The following EFCAB8 variants were observed in gnomAD, a reference collection of about 807,000 sequenced individuals.
The protein encoded by EFCAB8 is EF-hand calcium-binding domain-containing protein 8.
EFCAB8 carries 100 observed loss-of-function variants against 116.3 expected under a neutral mutation model. That is an observed-to-expected ratio of 0.86 (90% CI 0.73 to 1.02). The LOEUF is 1.02. Among genes scored for constraint, EFCAB8 ranks in the 50% least tolerant of loss-of-function variants. The probability of loss-of-function intolerance (pLI) is 0.00; values close to 1 mark genes in which losing one functional copy is unlikely to be tolerated. For synonymous variants in EFCAB8, 558 were observed against 567.9 expected (o/e 0.98, Z 0.25); for missense variants, 1,320 against 1,416.9 (o/e 0.93, Z 1.10).
intron 5 of EFCAB8, 26 bp from the exon 6 acceptor site, chr20:32,885,479 C>G: frequency 1.9e-6 from 3 of 1,551,038 alleles, no homozygotes; most frequent in Non-Finnish European, 2.6e-6. Flanking sequence ...TGCTTGGGCT[C>G]TTCTCTCTTT....
At chr20:32,868,147 C>G (rs1206713793) in intron 3 of EFCAB8, among the ~76,000 whole-genome samples, 1 of 151,956 alleles carries the variant, frequency 6.6e-6, no homozygotes, top group Non-Finnish European at 1.5e-5. Flanking sequence ...TCGTCTGGGA[C>G]TACTGGGCTC....
intron 8 of EFCAB8, 142 bp from the exon 9 acceptor site, chr20:32,893,032 G>C: frequency 2.1e-6 from 2 of 943,616 alleles, no homozygotes. Flanking sequence ...GTAGAGATGA[G>C]GTTTCACCAC....
At chr20:32,859,037 T>C (rs1393920279) in intron 1 of EFCAB8, 31 bp downstream of exon 1, 3 of 471,048 alleles carry the variant, frequency 6.4e-6, no homozygotes, top group Non-Finnish European at 1.3e-5. Flanking sequence ...AAAGTTGCTC[T>C]CCAAAAGATT....
In EFCAB8 at chr20:32,899,622, T is replaced by C. The variant is rs139671156; in HGVS notation, c.1088+999T>C. Among the ~76,000 whole-genome samples, 1,117 of 152,122 alleles carry C rather than the reference T, an allele frequency of 7.3e-3. 14 individuals carry two copies. The highest frequency in any genetic ancestry group is 0.026 in the African/African-American group (1,068 of 41,532). On this transcript the variant is annotated intron_variant, in intron 11 of 26. Transcript: ENST00000400522. ...AGAGTTTCACTCTTGTTGCCCAGGC[T>C]GGAGTGTAATGGTGCGATCTCGGCT...
intron 20 of EFCAB8, among the ~76,000 whole-genome samples, chr20:32,920,816 G>A (rs1987415951): frequency 6.6e-6 from 1 of 152,094 alleles, no homozygotes; most frequent in Admixed American, 6.5e-5. Context: ...TGTCCCCTCT[G>A]GATTGGGGGT....
chr20:32,937,478 C>T (rs112814652), intron 22 of EFCAB8, among the ~76,000 whole-genome samples: 46 of 152,106 alleles, frequency 3.0e-4, no homozygotes, highest in Middle Eastern at 3.4e-3. Context: ...CTAAAGCTGA[C>T]TTAATAAGAA....
intron 11 of EFCAB8, among the ~76,000 whole-genome samples, chr20:32,902,690 C>T (rs1164489519): frequency 2.0e-5 from 3 of 152,250 alleles, no homozygotes; most frequent in East Asian, 3.8e-4. Flanking sequence ...ACTTGCTGGT[C>T]TCCCGTTTTG....
chr20:32,866,825 CTT>C (rs1491255887), intron 2 of EFCAB8, among the ~76,000 whole-genome samples: 3 of 141,768 alleles, frequency 2.1e-5, no homozygotes, highest in African/African-American at 8.0e-5. Context: ...TCCTTCCTTC[CTT>C]CCCTCCTTCC....
chr20:32,887,569 C>T (rs749493733), intron 6 of EFCAB8, among the ~76,000 whole-genome samples: 40 of 152,318 alleles, frequency 2.6e-4, no homozygotes, highest in Non-Finnish European at 4.9e-4. Flanking sequence ...AGCGAGACTC[C>T]GTCTCAATAA....
chr20:32,918,420 A>G lies in EFCAB8; in HGVS notation c.2120A>G (p.Glu707Gly), dbSNP rs1254472012. Residue 707 changes from glutamate to glycine, a missense_variant, in exon 19 of 27, where the codon GAG becomes GGG. Glu to Gly is a moderately conservative substitution (Grantham distance 98). Coordinates refer to ENST00000400522, the MANE Select transcript of EFCAB8 (RefSeq NM_001143967.2). ...CACAGGCCCAGCAGACCCTATGTGG[A>G]GCGGGAGAAGTGGACATACAAGACC... is the stretch of plus-strand genomic sequence containing the variant. ...ESHRPSRPYV[E>G]REKWTYKTSR... The G allele has an allele frequency of 6.4e-7, 1 of 1,551,680 alleles. No individual in the cohort carries two copies. Among genetic ancestry groups the G allele is most frequent in the Admixed American group, 2.0e-5 (1 of 51,004 alleles).
chr20:32,896,478 A>C lies in EFCAB8; in HGVS notation c.908A>C (p.Gln303Pro), dbSNP rs1286147598. Residue 303 changes from glutamine (Q) to proline (P), a missense_variant, in exon 10 of 27, where the codon CAG becomes CCG. Coordinates refer to ENST00000400522, the MANE Select transcript of EFCAB8 (RefSeq NM_001143967.2). ...KWDHWIKVSL[Q>P]KLLNEKSALH... ...GATCACTGGATCAAAGTTTCCTTGC[A>C]GAAACTCTTAAATGAGAAGTCTGCT... is the stretch of plus-strand genomic sequence containing the variant. The C allele has an allele frequency of 1.4e-6, 1 of 718,908 alleles. No individual in the cohort carries two copies. The highest frequency in any genetic ancestry group is 1.5e-5 in the South Asian group (1 of 67,608). 44.5% of individuals were successfully genotyped at this position (718,908 alleles called of 1,614,324 possible).
chr20:32,961,331 T>G lies in EFCAB8; in HGVS notation c.3589T>G (p.Ser1197Ala). Reference protein sequence around the residue: ...DTTDSTPAAASSPSSLLSVTA... With the variant: ...DTTDSTPAAAASPSSLLSVTA... ...CACGGACAGCACGCCTGCGGCCGCC[T>G]CCTCCCCATCTTCCTTGTTATCTGT... Residue 1197 changes from serine to alanine, a missense_variant, in exon 27 of 27, where the codon TCC (serine) becomes GCC (alanine). By Grantham distance (99) the Ser-to-Ala change is moderately conservative. Transcript: ENST00000400522. 11 of 1,486,186 alleles carry G rather than the reference T, an allele frequency of 7.4e-6. No homozygotes were observed. The highest frequency in any genetic ancestry group is 9.8e-6 in the Non-Finnish European group (11 of 1,117,756). The allele number at this position is 1,486,186 out of a possible 1,614,324, so 92.1% of individuals were successfully genotyped here.
chr20:32,918,435 C>G lies in EFCAB8; in HGVS notation c.2135C>G (p.Thr712Arg). ...CCCTATGTGGAGCGGGAGAAGTGGA[C>G]ATACAAGACCTCCAGGAAGCTCTCC... ...SRPYVEREKW[T>R]YKTSRKLSSL... is the part of the protein sequence containing the mutation. Residue 712 changes from threonine (T) to arginine (R), a missense_variant, in exon 19 of 27, where the codon ACA becomes AGA. Physicochemically the swap from Thr to Arg is moderately conservative, Grantham distance 71. Coordinates refer to ENST00000400522, the MANE Select transcript of EFCAB8 (RefSeq NM_001143967.2). The G allele has an allele frequency of 6.4e-7, 1 of 1,551,742 alleles. No individual in the cohort carries two copies.
At chr20:32,920,264 G>C (rs1195698115) in intron 20 of EFCAB8, 49 bp downstream of exon 20, 1 of 1,545,504 alleles carries the variant, frequency 6.5e-7, no homozygotes, top group Admixed American at 2.0e-5. Context: ...GGAGTGGGCG[G>C]TCAGGATTGG....
intron 5 of EFCAB8, among the ~76,000 whole-genome samples, chr20:32,879,886 C>A (rs553654346): frequency 4.9e-4 from 74 of 152,280 alleles, no homozygotes; most frequent in African/African-American, 1.7e-3. Flanking sequence ...ATCTCTCAGA[C>A]CCCTCAACCT....
intron 1 of EFCAB8, among the ~76,000 whole-genome samples, chr20:32,860,489 G>T (rs1984051004): frequency 7.5e-6 from 1 of 133,618 alleles, no homozygotes; most frequent in Admixed American, 7.7e-5. Context: ...GCTGATGGTG[G>T]TAACTTTTTT....
intron 9 of EFCAB8, 119 bp downstream of exon 9, chr20:32,893,417 G>T (rs368132965): frequency 1.4e-6 from 2 of 1,422,156 alleles, no homozygotes; most frequent in Non-Finnish European, 1.9e-6. Context: ...CTCTGGGAAG[G>T]CGTCTGCTTC....
At chr20:32,918,837 G>A (rs1568929957) in intron 19 of EFCAB8, among the ~76,000 whole-genome samples, 2 of 152,162 alleles carry the variant, frequency 1.3e-5, no homozygotes, top group Non-Finnish European at 2.9e-5. Context: ...CTGAAAGGCA[G>A]GACCCAAAGA....
chr20:32,948,650 A>G (rs1988700741), intron 23 of EFCAB8, among the ~76,000 whole-genome samples: 1 of 152,190 alleles, frequency 6.6e-6, no homozygotes, highest in Non-Finnish European at 1.5e-5. Flanking sequence ...ATATCTTAAC[A>G]AAATTTTGCA....
Sources: gnomAD v4.1 joint callset for allele counts (sites outside exome capture counted in the v4.1 genomes callset) on GRCh38, gnomAD v4.1.1 for gene constraint, MANE v1.5 for transcripts, NCBI Gene and HGNC (gene_info 2026-07-23, HGNC 2026-07-21) for gene names.